Variants in KCNMA1 observed in about 807,000 individuals in gnomAD.
KCNMA1 encodes potassium calcium-activated channel subfamily M alpha 1.
KCNMA1 carries 29 observed loss-of-function variants against 140.0 expected under a neutral mutation model. The observed-to-expected ratio is 0.21, with a 90% confidence interval of 0.15 to 0.28. KCNMA1 has a LOEUF of 0.28. Among genes scored for constraint, KCNMA1 ranks in the 10% least tolerant of loss-of-function variants. The probability of loss-of-function intolerance (pLI) is 1.00; values close to 1 mark genes in which losing one functional copy is unlikely to be tolerated. For synonymous variants in KCNMA1, 612 were observed against 611.9 expected, an observed-to-expected ratio of 1.00 and a Z score of 0.00; for missense variants, 880 against 1,602.2, an observed-to-expected ratio of 0.55 and a Z score of 7.70.
chr10:76,992,498 C>A (rs2083062271), intron 19 of KCNMA1, among the ~76,000 whole-genome samples: 2 of 152,142 alleles, frequency 1.3e-5, no homozygotes. Flanking sequence ...TGGAGGGTCC[C>A]CTGACTATCC....
At chr10:77,597,988 T>C (rs1003759583) in intron 1 of KCNMA1, among the ~76,000 whole-genome samples, 2 of 152,256 alleles carry the variant, frequency 1.3e-5, no homozygotes, top group Non-Finnish European at 2.9e-5. Flanking sequence ...TTCATTTTTA[T>C]TGAGACTGAG....
intron 1 of KCNMA1, among the ~76,000 whole-genome samples, chr10:77,463,711 G>T (rs1485771467): frequency 2.0e-5 from 3 of 152,198 alleles, no homozygotes; most frequent in African/African-American, 7.2e-5. Context: ...CAGCTGAGAA[G>T]TGCTGTTTAC....
chr10:77,520,023 T>G (rs2052370215), intron 1 of KCNMA1, among the ~76,000 whole-genome samples: 2 of 65,844 alleles, frequency 3.0e-5, no homozygotes, highest in Non-Finnish European at 5.5e-5. Flanking sequence ...AGGGCTGGGG[T>G]ATGCAGTGTG....
chr10:77,619,006 G>T (rs1479429203), intron 1 of KCNMA1, among the ~76,000 whole-genome samples: 1 of 152,190 alleles, frequency 6.6e-6, no homozygotes, highest in Admixed American at 6.5e-5. Flanking sequence ...AAGTGGCTGG[G>T]TGTGGAGAGC....
At chr10:77,448,412 G>A (rs901400491) in intron 1 of KCNMA1, among the ~76,000 whole-genome samples, 2 of 152,162 alleles carry the variant, frequency 1.3e-5, no homozygotes, top group African/African-American at 4.8e-5. Flanking sequence ...CAACAAAGAC[G>A]ATAATTGTCA....
At chr10:77,214,422 GCCTCTT>G (rs1430104402) in intron 3 of KCNMA1, among the ~76,000 whole-genome samples, 1 of 152,072 alleles carries the variant, frequency 6.6e-6, no homozygotes, top group African/African-American at 2.4e-5. Context: ...CACATCCTCT[GCCTCTT>G]CATTCATAAC....
At chr10:77,471,001 C>A (rs896768285) in intron 1 of KCNMA1, among the ~76,000 whole-genome samples, 1 of 151,966 alleles carries the variant, frequency 6.6e-6, no homozygotes, top group Non-Finnish European at 1.5e-5. Flanking sequence ...CATACACACA[C>A]CACACAACAC....
At chr10:76,917,706 C>T (rs1220316479) in intron 23 of KCNMA1, among the ~76,000 whole-genome samples, 3 of 152,206 alleles carry the variant, frequency 2.0e-5, no homozygotes, top group Non-Finnish European at 4.4e-5. Flanking sequence ...AAACTTCATG[C>T]CTCTTTTTGT....
chr10:77,206,953 T>G (rs1013843395), intron 3 of KCNMA1, among the ~76,000 whole-genome samples: 1 of 152,100 alleles, frequency 6.6e-6, no homozygotes, highest in Non-Finnish European at 1.5e-5. Flanking sequence ...TCTATATGAT[T>G]TTTTTGTACT....
intron 1 of KCNMA1, among the ~76,000 whole-genome samples, chr10:77,514,146 G>A (rs2049427229): frequency 6.6e-6 from 1 of 152,184 alleles, no homozygotes; most frequent in Non-Finnish European, 1.5e-5. Context: ...CCTCCCCTCT[G>A]CCTGCCCTGA....
intron 25 of KCNMA1, among the ~76,000 whole-genome samples, chr10:76,909,618 T>C (rs1409607941): frequency 6.6e-6 from 1 of 152,142 alleles, no homozygotes; most frequent in Non-Finnish European, 1.5e-5. Flanking sequence ...CTTTCTTTCT[T>C]CTTCAGAGAA....
At chr10:77,152,165 T>G (rs558289410) in intron 5 of KCNMA1, among the ~76,000 whole-genome samples, 2 of 152,190 alleles carry the variant, frequency 1.3e-5, no homozygotes, top group South Asian at 4.1e-4. Flanking sequence ...AAGGGGTACA[T>G]AGCAGGTGCT....
chr10:76,933,587 T>C (rs1227743202), intron 23 of KCNMA1, among the ~76,000 whole-genome samples: 1 of 152,232 alleles, frequency 6.6e-6, no homozygotes, highest in Non-Finnish European at 1.5e-5. Flanking sequence ...CACATGCCTG[T>C]CGGAACCTTT....
chr10:77,347,482 CCT>C (rs2092339061), intron 2 of KCNMA1, among the ~76,000 whole-genome samples: 1 of 152,148 alleles, frequency 6.6e-6, no homozygotes, highest in African/African-American at 2.4e-5. Flanking sequence ...TCTGTGGGCC[CCT>C]GTCTGAGGCT....
At chr10:77,165,772 A>G (rs1181390092) in intron 5 of KCNMA1, among the ~76,000 whole-genome samples, 1 of 152,236 alleles carries the variant, frequency 6.6e-6, no homozygotes, top group Non-Finnish European at 1.5e-5. Context: ...TTCACTAAAT[A>G]GTCTTTGGAC....
At chr10:77,127,451 C>A (rs531627658) in intron 5 of KCNMA1, among the ~76,000 whole-genome samples, 1 of 152,146 alleles carries the variant, frequency 6.6e-6, no homozygotes, top group East Asian at 1.9e-4. Flanking sequence ...CAAGCACACA[C>A]TTTCAAGACT....
intron 2 of KCNMA1, among the ~76,000 whole-genome samples, chr10:77,318,003 A>G (rs534067360): frequency 5.9e-4 from 90 of 152,288 alleles, no homozygotes; most frequent in Middle Eastern, 3.4e-3. Flanking sequence ...GTGATGGAAG[A>G]GAGGCATTTA....
chr10:77,005,682 G>A (rs2088269801), intron 18 of KCNMA1, among the ~76,000 whole-genome samples: 1 of 152,116 alleles, frequency 6.6e-6, no homozygotes, highest in Non-Finnish European at 1.5e-5. Flanking sequence ...ACCTTCCTCC[G>A]AAGACCTAGG....
At chr10:76,933,718 G>T (rs1303353333) in intron 23 of KCNMA1, among the ~76,000 whole-genome samples, 1 of 152,114 alleles carries the variant, frequency 6.6e-6, no homozygotes, top group East Asian at 1.9e-4. Context: ...GCATGCATGG[G>T]ACACTGAAAA....
Sources: gnomAD v4.1 joint callset for allele counts (sites outside exome capture counted in the v4.1 genomes callset) on GRCh38, gnomAD v4.1.1 for gene constraint, MANE v1.5 for transcripts, NCBI Gene and HGNC (gene_info 2026-07-23, HGNC 2026-07-21) for gene names.